Variants in IQGAP1 observed in about 807,000 individuals in gnomAD.
IQGAP1 encodes IQ motif containing GTPase activating protein 1, also known as ras GTPase-activating-like protein IQGAP1.
In IQGAP1, 66 loss-of-function variants were observed where a neutral mutation model predicts 215.6. The observed-to-expected ratio is 0.31, with a 90% CI of 0.25 to 0.38. IQGAP1 has a LOEUF of 0.38. Among genes scored for constraint, IQGAP1 ranks in the 10% least tolerant of loss-of-function variants. The pLI, the probability that IQGAP1 is intolerant of heterozygous loss-of-function variation, is 1.00. For missense variants in IQGAP1, 1,712 were observed against 1,997.1 expected (o/e 0.86, Z 2.72); for synonymous variants, 772 against 728.7 (o/e 1.06, Z -0.96).
At chr15:90,427,144 C>T (rs1344589360) in intron 3 of IQGAP1, among the ~76,000 whole-genome samples, 1 of 151,820 alleles carries the variant, frequency 6.6e-6, no homozygotes, top group Non-Finnish European at 1.5e-5. Context: ...ATGCTGTAGT[C>T]CTGGCTACTT....
chr15:90,436,008 C>T (rs1306017791), intron 5 of IQGAP1, among the ~76,000 whole-genome samples: 1 of 151,608 alleles, frequency 6.6e-6, no homozygotes, highest in African/African-American at 2.4e-5. Flanking sequence ...GCTCCATCTC[C>T]CTTTGGATCA....
intron 26 of IQGAP1, among the ~76,000 whole-genome samples, chr15:90,480,934 C>G (rs1966049306): frequency 6.6e-6 from 1 of 152,210 alleles, no homozygotes; most frequent in African/African-American, 2.4e-5. Flanking sequence ...TCCCAAAGTG[C>G]TAGGATGACA....
At chr15:90,475,089 T>A (rs1234069275) in intron 23 of IQGAP1, among the ~76,000 whole-genome samples, 3 of 143,208 alleles carry the variant, frequency 2.1e-5, no homozygotes, top group Admixed American at 1.4e-4. Flanking sequence ...AACCTCTGCC[T>A]CGCAGGTTCA....
In IQGAP1 at chr15:90,494,702, G is replaced by T; in HGVS notation, c.4629-11G>T. ...TTACTTATAGAAAGTGACATGATGT[G>T]ATTTTTACAGAGTCTCCAAAAAGCC... On this transcript the variant is annotated splice_polypyrimidine_tract_variant and intron_variant, in intron 35 of 37. Transcript: ENST00000268182. The T allele has an allele frequency of 6.3e-7, 1 of 1,597,016 alleles. No individual in the cohort carries two copies. Among genetic ancestry groups the T allele is most frequent in the South Asian group, 1.1e-5 (1 of 88,518 alleles).
intron 34 of IQGAP1, among the ~76,000 whole-genome samples, chr15:90,492,278 T>C (rs1966216033): frequency 6.6e-6 from 1 of 152,126 alleles, no homozygotes; most frequent in Admixed American, 6.6e-5. Flanking sequence ...AAAAGTTTTT[T>C]AATTAGCCAG....
At chr15:90,447,933 C>T (rs951607773) in intron 9 of IQGAP1, among the ~76,000 whole-genome samples, 6 of 152,118 alleles carry the variant, frequency 3.9e-5, no homozygotes, top group African/African-American at 1.2e-4. Context: ...ACCCCTTTCA[C>T]TCTGCACAGG....
At chr15:90,434,158 C>T (rs1013345441) in intron 5 of IQGAP1, among the ~76,000 whole-genome samples, 1 of 152,058 alleles carries the variant, frequency 6.6e-6, no homozygotes. Context: ...TTTTATAAGC[C>T]GGATGCGGTG....
chr15:90,411,851 G>T (rs1432673841), intron 2 of IQGAP1, among the ~76,000 whole-genome samples: 1 of 152,164 alleles, frequency 6.6e-6, no homozygotes, highest in African/African-American at 2.4e-5. Flanking sequence ...CCAGACTCTG[G>T]ATCTGAAGAC....
At chr15:90,475,196 G>A (rs553597115) in intron 23 of IQGAP1, among the ~76,000 whole-genome samples, 5 of 152,042 alleles carry the variant, frequency 3.3e-5, no homozygotes, top group East Asian at 2.0e-4. Flanking sequence ...ATGGCGTTTC[G>A]CCATGTTGAC....
intron 11 of IQGAP1, among the ~76,000 whole-genome samples, chr15:90,450,367 A>G (rs1034125413): frequency 3.7e-4 from 14 of 37,692 alleles, no homozygotes; most frequent in Non-Finnish European, 5.8e-4. Context: ...TTTTTTTACC[A>G]TTTATTCATT....
chr15:90,388,483 G>A, intron 1 of IQGAP1, 87 bp downstream of exon 1: 2 of 1,148,444 alleles, frequency 1.7e-6, no homozygotes, highest in Non-Finnish European at 2.3e-6. Flanking sequence ...GGCCGGGCGG[G>A]TGGGGCAGGG....
At chr15:90,388,817 C>G (rs1158466596) in intron 1 of IQGAP1, among the ~76,000 whole-genome samples, 1 of 152,180 alleles carries the variant, frequency 6.6e-6, no homozygotes, top group South Asian at 2.1e-4. Context: ...GGGGTAGACC[C>G]AAGGGATAGA....
chr15:90,421,332 C>T (rs541401442), intron 2 of IQGAP1, among the ~76,000 whole-genome samples: 14 of 151,928 alleles, frequency 9.2e-5, no homozygotes, highest in African/African-American at 3.4e-4. Flanking sequence ...AAAAATTAGC[C>T]GGTTGTGGTG....
intron 4 of IQGAP1, among the ~76,000 whole-genome samples, chr15:90,432,323 TC>T (rs1471429597): frequency 6.6e-6 from 1 of 152,168 alleles, no homozygotes; most frequent in Non-Finnish European, 1.5e-5. Flanking sequence ...CTAAGCCTTC[TC>T]CATTTATTTG....
At chr15:90,420,978 C>A (rs1965126423) in intron 2 of IQGAP1, among the ~76,000 whole-genome samples, 2 of 151,722 alleles carry the variant, frequency 1.3e-5, no homozygotes, top group Admixed American at 1.3e-4. Flanking sequence ...CATGGCGAAA[C>A]CCCGTCTCTA....
At position 90,481,939 on chromosome 15, in the gene IQGAP1, G is replaced by A. The variant is rs916291474; in HGVS notation, c.3330-21G>A. The A allele has an allele frequency of 6.8e-6, 11 of 1,613,624 alleles. No homozygotes were observed. In the African/African-American group the frequency reaches 1.3e-4, roughly 20 times the overall value. On this transcript the variant is annotated intron_variant, in intron 26 of 37. Coordinates refer to ENST00000268182, the MANE Select transcript of IQGAP1 (RefSeq NM_003870.4). ...CTGGCTGTTAGTCTAACATAGTTGG[G>A]TATAATTTCTGTCTTCCCAGCAAAC...
intron 11 of IQGAP1, among the ~76,000 whole-genome samples, chr15:90,450,566 C>T (rs762924103): frequency 5.3e-5 from 8 of 151,496 alleles, no homozygotes; most frequent in Non-Finnish European, 1.5e-5. Context: ...ATTTATATTC[C>T]CATCAACAGT....
chr15:90,439,452 G>T, intron 6 of IQGAP1, 53 bp downstream of exon 6: 1 of 1,477,150 alleles, frequency 6.8e-7, no homozygotes, highest in South Asian at 1.1e-5. Flanking sequence ...GAAATAGCCT[G>T]GAGAGCCAGC....
chr15:90,439,166 A>AACT (rs10656792), intron 5 of IQGAP1, among the ~76,000 whole-genome samples, 166 bp from the exon 6 acceptor site: 29,736 of 151,460 alleles, frequency 0.2, 3,953 homozygotes, highest in African/African-American at 0.38. Flanking sequence ...AAAAAAAAAA[A>AACT]CTGAGGTAAA....
Sources: allele counts gnomAD v4.1 joint callset (sites outside exome capture counted in the v4.1 genomes callset), GRCh38; gene constraint gnomAD v4.1.1; transcripts MANE v1.5; gene names NCBI Gene and HGNC (gene_info 2026-07-23, HGNC 2026-07-21).